LRMDA: variants seen among roughly 807,000 people sequenced by gnomAD.
LRMDA encodes leucine-rich melanocyte differentiation-associated protein.
LRMDA carries 18 observed loss-of-function variants against 29.8 expected under a neutral mutation model. The observed-to-expected ratio is 0.60, with a 90% CI of 0.42 to 0.90. The LOEUF (loss-of-function observed/expected upper bound fraction) is 0.90. Among genes scored for constraint, LRMDA ranks in the 40% least tolerant of loss-of-function variants. LRMDA has a pLI of 0.00. For missense variants in LRMDA, 273 were observed against 273.9 expected (o/e 1.00, Z 0.02); for synonymous variants, 125 against 109.4 (o/e 1.14, Z -0.89).
intron 5 of LRMDA, among the ~76,000 whole-genome samples, chr10:76,059,069 G>T (rs1253021828): frequency 6.6e-6 from 1 of 152,122 alleles, no homozygotes; most frequent in Non-Finnish European, 1.5e-5. Flanking sequence ...GCCTCTGCAG[G>T]TTTGCAGCTG....
chr10:76,407,162 C>T (rs1841911373), intron 6 of LRMDA, among the ~76,000 whole-genome samples: 1 of 152,156 alleles, frequency 6.6e-6, no homozygotes, highest in Admixed American at 6.5e-5. Context: ...GGAGTGTGCA[C>T]ATCAGCCTGG....
intron 2 of LRMDA, among the ~76,000 whole-genome samples, chr10:75,802,339 A>G (rs28639882): frequency 0.36 from 50,557 of 140,484 alleles, 9,918 homozygotes; most frequent in Non-Finnish European, 0.46. Context: ...ACACGCGCAC[A>G]CACACACACA....
In LRMDA at chr10:76,241,515, G is replaced by C. The variant is rs557790248; in HGVS notation, c.517-82886G>C. 2.6e-5 allele frequency among the ~76,000 whole-genome samples: 4 copies of C among 152,282 alleles called. No homozygotes were observed. In the South Asian group the frequency reaches 8.3e-4, roughly 32 times the overall value. On this transcript the variant is annotated intron_variant, in intron 5 of 6. Transcript: ENST00000611255. ...ATTTTCTTCCATATAGTAATTGCTT[G>C]AAATCTTTTTTTTCTCACAGCAGAT...
At chr10:76,505,954 G>T (rs1842955322) in intron 6 of LRMDA, among the ~76,000 whole-genome samples, 1 of 152,010 alleles carries the variant, frequency 6.6e-6, no homozygotes, top group Non-Finnish European at 1.5e-5. Flanking sequence ...GCGCTTTCAG[G>T]GTGCCAATGC....
chr10:75,692,386 T>G (rs1031938079), intron 2 of LRMDA, among the ~76,000 whole-genome samples: 1 of 148,854 alleles, frequency 6.7e-6, no homozygotes, highest in Non-Finnish European at 1.5e-5. Context: ...CCATTGTGCC[T>G]ACATATATAT....
intron 3 of LRMDA, among the ~76,000 whole-genome samples, chr10:76,037,396 A>T (rs1364969531): frequency 6.6e-6 from 1 of 152,266 alleles, no homozygotes; most frequent in Non-Finnish European, 1.5e-5. Context: ...AATCAGATAT[A>T]CATGTAAGGC....
intron 2 of LRMDA, among the ~76,000 whole-genome samples, chr10:75,873,430 G>C (rs1845145464): frequency 6.6e-6 from 1 of 152,084 alleles, no homozygotes; most frequent in Admixed American, 6.5e-5. Context: ...CCAGAGAGAG[G>C]AAAAAAGCTT....
chr10:75,555,372 CAG>C (rs1466367795), intron 2 of LRMDA, among the ~76,000 whole-genome samples: 4 of 152,060 alleles, frequency 2.6e-5, no homozygotes, highest in Admixed American at 1.3e-4. Context: ...CTTGGATAAC[CAG>C]AGACTAGAGT....
At position 75,927,000 on chromosome 10, in the gene LRMDA, C is replaced by T. The variant is rs552964781; in HGVS notation, c.132-109008C>T. On this transcript the variant is annotated intron_variant, in intron 2 of 6. Coordinates refer to ENST00000611255, the MANE Select transcript of LRMDA (RefSeq NM_001305581.2). Reference sequence around the variant, plus strand: ...CACGCTGCCCTCTGGCTGCAGCAAACCTAAAAGCTGGAGAGCAATACTGCC... The same window carrying T: ...CACGCTGCCCTCTGGCTGCAGCAAATCTAAAAGCTGGAGAGCAATACTGCC... 3.9e-5 allele frequency among the ~76,000 whole-genome samples: 6 copies of T among 152,232 alleles called. No homozygotes were observed. In the South Asian group the frequency reaches 1.2e-3, roughly 32 times the overall value.
At chr10:76,132,576 A>C (rs940833477) in intron 5 of LRMDA, among the ~76,000 whole-genome samples, 1 of 152,170 alleles carries the variant, frequency 6.6e-6, no homozygotes, top group Non-Finnish European at 1.5e-5. Context: ...CAGATGTGGT[A>C]ATTTTCCATT....
At chr10:76,350,210 C>A (rs912231240) in intron 6 of LRMDA, among the ~76,000 whole-genome samples, 2 of 151,512 alleles carry the variant, frequency 1.3e-5, no homozygotes, top group South Asian at 2.1e-4. Context: ...TAGGAACGAC[C>A]AATGGGATTT....
chr10:75,638,205 C>G (rs928422850), intron 2 of LRMDA, among the ~76,000 whole-genome samples: 2 of 152,144 alleles, frequency 1.3e-5, no homozygotes, highest in African/African-American at 4.8e-5. Context: ...ATGGAATCCT[C>G]AGGTTCCTAG....
At chr10:76,368,188 G>A (rs988519811) in intron 6 of LRMDA, among the ~76,000 whole-genome samples, 1 of 152,054 alleles carries the variant, frequency 6.6e-6, no homozygotes, top group Non-Finnish European at 1.5e-5. Context: ...AGGTGTTACT[G>A]TAAATTGTTC....
At chr10:76,159,964 G>GT (rs751027675) in intron 5 of LRMDA, among the ~76,000 whole-genome samples, 1 of 152,066 alleles carries the variant, frequency 6.6e-6, no homozygotes, top group Non-Finnish European at 1.5e-5. Context: ...TACATGTCAT[G>GT]TATCTGTCTA....
chr10:76,132,663 T>C (rs182174693), intron 5 of LRMDA, among the ~76,000 whole-genome samples: 1 of 152,304 alleles, frequency 6.6e-6, no homozygotes, highest in Admixed American at 6.5e-5. Flanking sequence ...TATGTTTACA[T>C]GTGTAGGTGA....
intron 2 of LRMDA, among the ~76,000 whole-genome samples, chr10:75,780,077 C>T (rs1007949188): frequency 1.1e-4 from 17 of 152,168 alleles, no homozygotes; most frequent in Admixed American, 5.9e-4. Flanking sequence ...ATGGTTAAGC[C>T]GGAGCCACCA....
chr10:76,259,868 C>T (rs1378691780), intron 5 of LRMDA, among the ~76,000 whole-genome samples: 1 of 151,956 alleles, frequency 6.6e-6, no homozygotes, highest in Non-Finnish European at 1.5e-5. Flanking sequence ...TACCTGAAGT[C>T]TGTTTTGTCT....
intron 2 of LRMDA, among the ~76,000 whole-genome samples, chr10:75,500,081 T>G (rs1845094003): frequency 6.6e-6 from 1 of 152,170 alleles, no homozygotes; most frequent in Non-Finnish European, 1.5e-5. Context: ...GAGTGATGTG[T>G]TATGTGGAAC....
At chr10:76,340,286 A>G (rs933345534) in intron 6 of LRMDA, among the ~76,000 whole-genome samples, 4 of 152,024 alleles carry the variant, frequency 2.6e-5, no homozygotes. Context: ...GAGGCCAAGC[A>G]GGGTGGATTG....
Sources: allele counts gnomAD v4.1 joint callset (sites outside exome capture counted in the v4.1 genomes callset), GRCh38; gene constraint gnomAD v4.1.1; transcripts MANE v1.5; gene names NCBI Gene and HGNC (gene_info 2026-07-23, HGNC 2026-07-21).